The following ESF1 variants were observed in gnomAD, a reference collection of about 807,000 sequenced individuals.
ESF1 encodes the protein ESF1 nucleolar pre-rRNA processing protein.
A neutral mutation model predicts 92.0 loss-of-function variants in ESF1; 58 were observed. That is an observed-to-expected ratio of 0.63 (90% CI 0.51 to 0.78). The LOEUF (loss-of-function observed/expected upper bound fraction) is 0.78. Ranked by LOEUF, ESF1 falls within the 30% of genes least tolerant of loss-of-function variation. The pLI, the probability that ESF1 is intolerant of heterozygous loss-of-function variation, is 0.00. For synonymous variants in ESF1, 321 were observed against 313.7 expected (o/e 1.02, Z -0.24); for missense variants, 922 against 989.1 (o/e 0.93, Z 0.91).
intron 5 of ESF1, 105 bp downstream of exon 5, chr20:13,772,410 T>C: frequency 2.5e-6 from 2 of 799,684 alleles, no homozygotes; most frequent in East Asian, 2.5e-5. Context: ...TAACCACGAA[T>C]GGCACAAGTA....
chr20:13,759,304 T>G (rs1979048396), intron 9 of ESF1, among the ~76,000 whole-genome samples: 1 of 152,200 alleles, frequency 6.6e-6, no homozygotes, highest in Non-Finnish European at 1.5e-5. Flanking sequence ...GTAATACATA[T>G]TTTGTGTTAG....
chr20:13,746,331 C>T (rs569640270), intron 9 of ESF1, among the ~76,000 whole-genome samples: 58 of 152,192 alleles, frequency 3.8e-4, no homozygotes, highest in South Asian at 1.9e-3. Flanking sequence ...CATAGTATTT[C>T]TTTAATCTAT....
At chr20:13,743,832 T>C (rs1185756628) in intron 9 of ESF1, among the ~76,000 whole-genome samples, 4 of 152,236 alleles carry the variant, frequency 2.6e-5, no homozygotes, top group Admixed American at 6.5e-5. Context: ...TAATATCACG[T>C]AGTAATCATT....
chr20:13,751,036 T>C (rs1263209253), intron 9 of ESF1, among the ~76,000 whole-genome samples: 1 of 152,198 alleles, frequency 6.6e-6, no homozygotes. Flanking sequence ...AAAACGTATC[T>C]GTGAGAAAAT....
intron 13 of ESF1, among the ~76,000 whole-genome samples, chr20:13,715,881 G>A (rs534315058): frequency 2.0e-5 from 3 of 152,260 alleles, no homozygotes; most frequent in East Asian, 1.9e-4. Context: ...TAGTTATCAC[G>A]AGGCCAAGGG....
chr20:13,763,090 C>T (rs1462934650), intron 8 of ESF1, among the ~76,000 whole-genome samples: 8 of 151,968 alleles, frequency 5.3e-5, no homozygotes, highest in South Asian at 2.1e-4. Flanking sequence ...CTTGATCTCC[C>T]GACCTCATGA....
At chr20:13,746,851 C>T (rs1441221723) in intron 9 of ESF1, among the ~76,000 whole-genome samples, 2 of 152,202 alleles carry the variant, frequency 1.3e-5, no homozygotes, top group Non-Finnish European at 2.9e-5. Context: ...TTCTTGCAAT[C>T]TAAATATTTT....
chr20:13,750,134 G>A (rs181242699), intron 9 of ESF1, among the ~76,000 whole-genome samples: 5 of 152,332 alleles, frequency 3.3e-5, no homozygotes, highest in Admixed American at 2.0e-4. Flanking sequence ...AAATCTTTCA[G>A]AGGACAGAAA....
chr20:13,783,359 C>G (rs774999635), intron 1 of ESF1, among the ~76,000 whole-genome samples, 176 bp from the exon 2 acceptor site: 22 of 152,118 alleles, frequency 1.4e-4, no homozygotes, highest in Non-Finnish European at 2.5e-4. Context: ...TGCAAAAAAG[C>G]AGAAACATAC....
Position 13,719,004 on chromosome 20 carries a change from TAA to T in ESF1, c.2039-22_2039-21del. On this transcript the variant is annotated intron_variant, in intron 11 of 13. Transcript: ENST00000617257. ...TTATACCTGGCACAACAAACCAACA[TAA>T]GAGTGGTAAAAATTACAGGACTATC... The T allele has an allele frequency of 2.5e-6, 4 of 1,569,058 alleles. No individual in the cohort carries two copies. The highest frequency in any genetic ancestry group is 3.5e-6 in the Non-Finnish European group (4 of 1,158,534).
chr20:13,770,727 G>T (rs1979645492), intron 6 of ESF1, among the ~76,000 whole-genome samples: 1 of 152,178 alleles, frequency 6.6e-6, no homozygotes, highest in Non-Finnish European at 1.5e-5. Context: ...TACATGAGGT[G>T]TCACTGAAAA....
intron 5 of ESF1, 88 bp from the exon 6 acceptor site, chr20:13,771,571 CAT>C: frequency 8.9e-7 from 1 of 1,123,384 alleles, no homozygotes; most frequent in Non-Finnish European, 1.3e-6. Flanking sequence ...TCAAGAAAAA[CAT>C]ATTACAAGCT....
chr20:13,715,073 A>G lies in ESF1; in HGVS notation c.2357T>C (p.Met786Thr). Residue 786 changes from methionine (M) to threonine (T), a missense_variant, in exon 14 of 14, where the codon ATG becomes ACG. Transcript: ENST00000617257. ...GGCCTTCTCCTCAAGGATTTTTTCC[A>G]TAGCTTTTGTTTTCTTGAAATTGGG... is the stretch of plus-strand genomic sequence containing the variant. ...SDPNFKKTKA[M>T]EKILEEKARQ... is the part of the protein sequence containing the mutation. 1 of 1,613,716 alleles carries G rather than the reference A, an allele frequency of 6.2e-7. No homozygotes were observed. Among genetic ancestry groups the G allele is most frequent in the Non-Finnish European group, 8.5e-7 (1 of 1,179,936 alleles).
chr20:13,772,083 T>C (rs890060040), intron 5 of ESF1, among the ~76,000 whole-genome samples: 1 of 151,576 alleles, frequency 6.6e-6, no homozygotes, highest in Non-Finnish European at 1.5e-5. Flanking sequence ...TTTTCTATAT[T>C]GCACCATGAT....
At chr20:13,723,264 T>C (rs2049880119) in intron 11 of ESF1, among the ~76,000 whole-genome samples, 1 of 152,146 alleles carries the variant, frequency 6.6e-6, no homozygotes, top group South Asian at 2.1e-4. Flanking sequence ...GATTTACTCT[T>C]TTGTACCAAG....
chr20:13,747,794 T>G (rs1309889258), intron 9 of ESF1, among the ~76,000 whole-genome samples: 2 of 152,200 alleles, frequency 1.3e-5, no homozygotes, highest in African/African-American at 2.4e-5. Context: ...ACCACACACC[T>G]AGGCTAATGT....
intron 8 of ESF1, among the ~76,000 whole-genome samples, chr20:13,760,699 T>C (rs1026772983): frequency 1.3e-5 from 2 of 149,402 alleles, no homozygotes. Context: ...CCGCCCCGTC[T>C]GGGAGGGAGG....
Position 13,728,449 on chromosome 20 carries a change from G to C in ESF1, c.1967C>G (p.Ala656Gly). Residue 656 changes from alanine (A) to glycine (G), a missense_variant, in exon 11 of 14, where the codon GCC (alanine) becomes GGC (glycine). Physicochemically the swap from Ala to Gly is moderately conservative, Grantham distance 60. Transcript: ENST00000617257. Reference protein sequence around the residue: ...KRKQKALAEEASEEELPSDVD... With the variant: ...KRKQKALAEEGSEEELPSDVD... ...ATCAGAGGGAAGTTCCTCTTCACTG[G>C]CCTCTTCAGCAAGAGCCTTAAAAGT... The C allele has an allele frequency of 6.2e-7, 1 of 1,610,508 alleles. No individual in the cohort carries two copies. The highest frequency in any genetic ancestry group is 8.5e-7 in the Non-Finnish European group (1 of 1,178,346).
chr20:13,759,708 T>C lies in ESF1; in HGVS notation c.1812A>G (p.Glu604=), dbSNP rs1434968929. ...AATTCTTACCTGGAACCCATTTAAT[T>C]TCCATTTCCATATCATTTTCTTTGC... ...KKGKENDMEM[E]IKWVPGLKES... The change falls in exon 9 of 14, where the codon GAA becomes GAG. Residue 604 remains glutamate, a synonymous_variant. Coordinates refer to ENST00000617257, the MANE Select transcript of ESF1 (RefSeq NM_001276380.2). 3.2e-6 allele frequency: 5 copies of C among 1,576,734 alleles called. No individual in the cohort carries two copies. The African/African-American group carries it at 6.9e-5, about 22-fold the overall frequency.
Sources: gnomAD v4.1 joint callset for allele counts (sites outside exome capture counted in the v4.1 genomes callset) on GRCh38, gnomAD v4.1.1 for gene constraint, MANE v1.5 for transcripts, NCBI Gene and HGNC (gene_info 2026-07-23, HGNC 2026-07-21) for gene names.